PTPRM: variants seen among roughly 807,000 people sequenced by gnomAD.
The protein encoded by PTPRM is receptor-type tyrosine-protein phosphatase mu.
In PTPRM, 47 loss-of-function variants were observed where a neutral mutation model predicts 186.7. That is an observed-to-expected ratio of 0.25 (90% CI 0.20 to 0.32). The LOEUF is 0.32. Among genes scored for constraint, PTPRM ranks in the 10% least tolerant of loss-of-function variants. The probability of loss-of-function intolerance (pLI) is 1.00; values close to 1 mark genes in which losing one functional copy is unlikely to be tolerated. For missense variants in PTPRM, 1,494 were observed against 1,865.0 expected, an observed-to-expected ratio of 0.80 and a Z score of 3.66; for synonymous variants, 668 against 674.9, an observed-to-expected ratio of 0.99 and a Z score of 0.16.
chr18:7,738,266 A>G (rs1664981), intron 1 of PTPRM, among the ~76,000 whole-genome samples: 98,172 of 152,126 alleles, frequency 0.65, 33,786 homozygotes, highest in East Asian at 0.99. Flanking sequence ...ATAAAAATCC[A>G]TGCTTCGGGA....
chr18:8,400,727 C>G (rs1407049654), intron 32 of PTPRM, among the ~76,000 whole-genome samples: 1 of 152,240 alleles, frequency 6.6e-6, no homozygotes, highest in Non-Finnish European at 1.5e-5. Context: ...AGCCTCACCT[C>G]CCCTTTAGTA....
At chr18:8,115,766 C>T (rs559349042) in intron 13 of PTPRM, among the ~76,000 whole-genome samples, 5 of 152,150 alleles carry the variant, frequency 3.3e-5, no homozygotes, top group African/African-American at 1.2e-4. Flanking sequence ...GTTTAACTCT[C>T]AGGTGAACAT....
At chr18:8,208,333 G>A (rs759441507) in intron 14 of PTPRM, among the ~76,000 whole-genome samples, 5 of 152,196 alleles carry the variant, frequency 3.3e-5, no homozygotes, top group Non-Finnish European at 5.9e-5. Flanking sequence ...AGCCAGGCAA[G>A]GTTCTAAGCT....
intron 32 of PTPRM, among the ~76,000 whole-genome samples, chr18:8,400,406 G>T (rs948082262): frequency 6.6e-6 from 1 of 152,206 alleles, no homozygotes; most frequent in Admixed American, 6.5e-5. Context: ...TTGAGAATCC[G>T]CCCACCCCCA....
chr18:8,034,812 A>G lies in PTPRM; in HGVS notation c.1133-34874A>G, dbSNP rs2086220679. On this transcript the variant is annotated intron_variant, in intron 7 of 32. Coordinates refer to ENST00000580170, the MANE Select transcript of PTPRM (RefSeq NM_001105244.2). ...TCCGGAAGTCTAACAGCCTTCCTTC[A>G]TCTCATCCTGTCTCTGTCCTCATTC... Among the ~76,000 whole-genome samples the G allele has an allele frequency of 2.6e-5, 4 of 152,092 alleles. No individual in the cohort carries two copies. In the South Asian group the frequency reaches 8.3e-4, roughly 32 times the overall value.
chr18:7,612,859 CAA>C (rs2037709464), intron 1 of PTPRM, among the ~76,000 whole-genome samples: 1 of 152,138 alleles, frequency 6.6e-6, no homozygotes, highest in African/African-American at 2.4e-5. Context: ...ATTGGGCTTA[CAA>C]AGTGGAATGT....
intron 2 of PTPRM, among the ~76,000 whole-genome samples, chr18:7,775,591 A>G (rs1940350): frequency 0.18 from 28,043 of 152,110 alleles, 6,592 homozygotes; most frequent in African/African-American, 0.56. Context: ...AGGCTGGGCT[A>G]GCTGAGGCTG....
At chr18:7,735,013 A>G (rs1448571930) in intron 1 of PTPRM, among the ~76,000 whole-genome samples, 3 of 152,198 alleles carry the variant, frequency 2.0e-5, no homozygotes, top group South Asian at 4.1e-4. Context: ...GGGGATTCCA[A>G]AGAAACCTGA....
intron 2 of PTPRM, among the ~76,000 whole-genome samples, chr18:7,805,233 G>A (rs982209881): frequency 6.6e-6 from 1 of 152,148 alleles, no homozygotes; most frequent in Non-Finnish European, 1.5e-5. Context: ...TCACATAACA[G>A]TTTTGTGAAC....
At chr18:7,643,052 CTG>C (rs2038481321) in intron 1 of PTPRM, among the ~76,000 whole-genome samples, 1 of 151,858 alleles carries the variant, frequency 6.6e-6, no homozygotes, top group Non-Finnish European at 1.5e-5. Context: ...AATTTAAATA[CTG>C]TCTTATTCCC....
At chr18:7,988,258 A>G (rs183374643) in intron 7 of PTPRM, among the ~76,000 whole-genome samples, 192 of 152,262 alleles carry the variant, frequency 1.3e-3, no homozygotes, top group African/African-American at 4.3e-3. Context: ...GAAAATGCAA[A>G]TGATTTAGAG....
At position 8,048,118 on chromosome 18, in the gene PTPRM, T is replaced by C. The variant is rs1004750625; in HGVS notation, c.1133-21568T>C. 3.3e-5 allele frequency among the ~76,000 whole-genome samples: 5 copies of C among 152,234 alleles called. No individual in the cohort carries two copies. The South Asian group carries it at 6.2e-4, about 19-fold the overall frequency. On this transcript the variant is annotated intron_variant, in intron 7 of 32. Transcript: ENST00000580170. The stretch of plus-strand genomic sequence containing the variant: ...CAGATTACCTTAGGCTTGAGAGAGA[T>C]AGAAAAGTATTGCAAAGTAGTCTGA...
At chr18:8,384,481 G>A in intron 29 of PTPRM, 80 bp from the exon 30 acceptor site, 1 of 1,505,580 alleles carries the variant, frequency 6.6e-7, no homozygotes. Context: ...ATTACTGAGT[G>A]TCAATACTAA....
chr18:7,921,153 C>T (rs1300950214), intron 4 of PTPRM, among the ~76,000 whole-genome samples: 5 of 152,084 alleles, frequency 3.3e-5, no homozygotes, highest in Non-Finnish European at 7.4e-5. Flanking sequence ...GGAAAGTTTT[C>T]TGTAATAGGT....
chr18:7,856,973 T>C (rs546590705), intron 2 of PTPRM, among the ~76,000 whole-genome samples: 12 of 152,332 alleles, frequency 7.9e-5, no homozygotes, highest in African/African-American at 2.6e-4. Context: ...TTGCCCTCGC[T>C]CCTGAAACTA....
intron 1 of PTPRM, among the ~76,000 whole-genome samples, chr18:7,674,788 A>G (rs1189455581): frequency 6.6e-6 from 1 of 152,230 alleles, no homozygotes. Flanking sequence ...GTTAATACAC[A>G]TAGTGCATTC....
intron 1 of PTPRM, among the ~76,000 whole-genome samples, chr18:7,746,720 C>T (rs2040997357): frequency 6.6e-6 from 1 of 152,174 alleles, no homozygotes; most frequent in Admixed American, 6.5e-5. Context: ...CCTGCCTTGA[C>T]CTCCTAAAGT....
chr18:8,132,980 C>T (rs979749330), intron 13 of PTPRM, among the ~76,000 whole-genome samples: 1 of 152,060 alleles, frequency 6.6e-6, no homozygotes, highest in Admixed American at 6.6e-5. Flanking sequence ...ATTTATTTGA[C>T]TCATGGTTCT....
At chr18:7,580,751 C>T (rs560885854) in intron 1 of PTPRM, among the ~76,000 whole-genome samples, 8 of 152,278 alleles carry the variant, frequency 5.3e-5, no homozygotes, top group African/African-American at 9.6e-5. Context: ...CCATGTCATC[C>T]GAACGTGGGG....
Sources: gnomAD v4.1 joint callset for allele counts (sites outside exome capture counted in the v4.1 genomes callset) on GRCh38, gnomAD v4.1.1 for gene constraint, MANE v1.5 for transcripts, NCBI Gene and HGNC (gene_info 2026-07-23, HGNC 2026-07-21) for gene names.